KCNK9: variants seen among roughly 807,000 people sequenced by gnomAD.
KCNK9 encodes the protein potassium channel subfamily K member 9.
A neutral mutation model predicts 10.8 loss-of-function variants in KCNK9; 1 was observed. The ratio of observed to expected loss-of-function variants is 0.09; its 90% CI spans 0.03 to 0.44. The LOEUF is 0.44. KCNK9 is among the 20% of genes least tolerant of loss of function. The probability of loss-of-function intolerance (pLI) is 0.97; values close to 1 mark genes in which losing one functional copy is unlikely to be tolerated. For missense variants in KCNK9, 303 were observed against 515.0 expected (o/e 0.59, Z 3.98); for synonymous variants, 231 against 222.7 (o/e 1.04, Z -0.33).
intron 2 of KCNK9, among the ~76,000 whole-genome samples, chr8:139,606,241 G>A (rs903575266): frequency 2.0e-5 from 3 of 152,168 alleles, no homozygotes; most frequent in African/African-American, 7.2e-5. Flanking sequence ...GCCCATTTCT[G>A]CTACAACTTT....
At chr8:139,646,222 C>T (rs1388539437) in intron 1 of KCNK9, among the ~76,000 whole-genome samples, 1 of 152,240 alleles carries the variant, frequency 6.6e-6, no homozygotes, top group Non-Finnish European at 1.5e-5. Context: ...ACACTGTGGG[C>T]ATCACCCTTC....
intron 1 of KCNK9, among the ~76,000 whole-genome samples, chr8:139,644,696 C>G (rs887941228): frequency 3.4e-5 from 5 of 148,896 alleles, no homozygotes; most frequent in African/African-American, 1.3e-4. Context: ...AGCCTGCTCC[C>G]TGGGGTGCTC....
chr8:139,648,968 G>C (rs1269145625), intron 1 of KCNK9, among the ~76,000 whole-genome samples: 1 of 152,152 alleles, frequency 6.6e-6, no homozygotes, highest in Non-Finnish European at 1.5e-5. Flanking sequence ...GGACGCCTAA[G>C]AAATTACTTC....
At chr8:139,632,683 C>T (rs113652145) in intron 1 of KCNK9, among the ~76,000 whole-genome samples, 8,033 of 152,186 alleles carry the variant, frequency 0.053, 664 homozygotes, top group African/African-American at 0.18. Flanking sequence ...TCCCCCCGCT[C>T]CCTCCCTAAA....
chr8:139,700,520 GCACACACACACA>G (rs765602878), intron 1 of KCNK9, among the ~76,000 whole-genome samples: 2 of 141,320 alleles, frequency 1.4e-5, no homozygotes, highest in Admixed American at 7.0e-5. Flanking sequence ...GCGCGCGCGC[GCACACACACACA>G]CACACACGCG....
intron 1 of KCNK9, among the ~76,000 whole-genome samples, chr8:139,643,704 C>T (rs1402638155): frequency 6.6e-6 from 1 of 152,210 alleles, no homozygotes; most frequent in African/African-American, 2.4e-5. Context: ...CCCCACCCCA[C>T]CCCTGAGATG....
chr8:139,682,853 C>T (rs1203273564), intron 1 of KCNK9, among the ~76,000 whole-genome samples: 1 of 141,572 alleles, frequency 7.1e-6, no homozygotes, highest in African/African-American at 2.5e-5. Flanking sequence ...CCTTTAAAAA[C>T]AAATGCTTAG....
At chr8:139,601,380 G>T (rs1817366532) in exon 3 of KCNK9, 1 of 152,220 alleles carries the variant, frequency 6.6e-6, no homozygotes, top group Non-Finnish European at 1.5e-5. Flanking sequence ...GACTTGGCAG[G>T]ATTAGAGTCA....
intron 1 of KCNK9, among the ~76,000 whole-genome samples, chr8:139,701,276 T>C (rs1025704288): frequency 5.9e-5 from 9 of 152,200 alleles, no homozygotes; most frequent in African/African-American, 2.2e-4. Context: ...AAGCTGATTA[T>C]GTAGATAACA....
chr8:139,690,484 AT>A (rs1437680624), intron 1 of KCNK9, among the ~76,000 whole-genome samples: 3 of 152,160 alleles, frequency 2.0e-5, no homozygotes, highest in African/African-American at 4.8e-5. Context: ...TTGGCCTTTT[AT>A]TTTAAAACTG....
At chr8:139,641,965 G>A (rs2129647338) in intron 1 of KCNK9, among the ~76,000 whole-genome samples, 1 of 152,342 alleles carries the variant, frequency 6.6e-6, no homozygotes, top group Non-Finnish European at 1.5e-5. Flanking sequence ...CCATACAGAT[G>A]TCCACCTCAG....
chr8:139,631,100 G>A (rs1472345619), intron 1 of KCNK9, among the ~76,000 whole-genome samples: 2 of 152,244 alleles, frequency 1.3e-5, no homozygotes, highest in African/African-American at 2.4e-5. Flanking sequence ...TGCGGGGTCG[G>A]CCGCCCACGT....
chr8:139,625,949 T>G (rs993191938), intron 1 of KCNK9, among the ~76,000 whole-genome samples: 1 of 152,186 alleles, frequency 6.6e-6, no homozygotes, highest in Non-Finnish European at 1.5e-5. Flanking sequence ...TCCCAGCTTC[T>G]CCTGTTCTGA....
intron 1 of KCNK9, among the ~76,000 whole-genome samples, chr8:139,638,799 C>G (rs1454997246): frequency 6.6e-6 from 1 of 152,196 alleles, no homozygotes; most frequent in African/African-American, 2.4e-5. Context: ...TGGGAGTCCC[C>G]AGGTTCCCCG....
chr8:139,652,480 T>A (rs1234704121), intron 1 of KCNK9, among the ~76,000 whole-genome samples: 1 of 152,010 alleles, frequency 6.6e-6, no homozygotes, highest in Non-Finnish European at 1.5e-5. Context: ...TGGACATGCA[T>A]GTGGGGTCCT....
chr8:139,637,760 T>TACGCACACACACACACACACACACAC (rs1815381888), intron 1 of KCNK9, among the ~76,000 whole-genome samples: 1 of 146,098 alleles, frequency 6.8e-6, no homozygotes, highest in Non-Finnish European at 1.5e-5. Flanking sequence ...ATTCCTACTC[T>TACGCACACACACACACACACACACAC]ACACACACAC....
At chr8:139,615,793 G>A (rs1814571321), downstream of KCNK9, 1 of 151,872 alleles carries the variant, frequency 6.6e-6, no homozygotes, top group African/African-American at 2.4e-5. Flanking sequence ...ATAGTTCCTG[G>A]GAATAGAGAA....
At chr8:139,652,106 A>G (rs1815883577) in intron 1 of KCNK9, among the ~76,000 whole-genome samples, 2 of 152,162 alleles carry the variant, frequency 1.3e-5, no homozygotes, top group Admixed American at 6.5e-5. Flanking sequence ...TTACTAGCCT[A>G]AGTCTCAAAT....
rs573695663 is a variant in KCNK9 at position 139,654,900 on chromosome 8, G to A, written c.284-35801C>T. ...AGGCAGGCGGCTAGAGAGAGTGGGCGGATAAATGGGCGAGAGGATGGCTGC... is the reference window on the plus strand; with the variant it reads ...AGGCAGGCGGCTAGAGAGAGTGGGCAGATAAATGGGCGAGAGGATGGCTGC... On this transcript the variant is annotated intron_variant, in intron 1 of 1. Transcript: ENST00000520439. Among the ~76,000 whole-genome samples the A allele has an allele frequency of 1.0e-3, 152 of 152,214 alleles. 3 individuals are homozygous for A. Among genetic ancestry groups the A allele is most frequent in the Admixed American group, 8.6e-3 (132 of 15,284 alleles).
Sources: gnomAD v4.1 joint callset for allele counts (sites outside exome capture counted in the v4.1 genomes callset) on GRCh38, gnomAD v4.1.1 for gene constraint, MANE v1.5 for transcripts, NCBI Gene and HGNC (gene_info 2026-07-23, HGNC 2026-07-21) for gene names.